Variants in BFAR observed in about 807,000 individuals in gnomAD.
BFAR encodes RING finger protein 47.
Under a neutral mutation model 54.4 loss-of-function variants are expected in BFAR, and 52 were observed. The observed-to-expected ratio is 0.96, with a 90% CI of 0.77 to 1.21. The LOEUF (loss-of-function observed/expected upper bound fraction) is 1.21, where lower values mean the gene tolerates loss of function less well. Among genes scored for constraint, BFAR ranks in the 50% most tolerant of loss-of-function variants. The pLI is 0.00. For missense variants in BFAR, 571 were observed against 534.0 expected, an observed-to-expected ratio of 1.07 and a Z score of -0.68; for synonymous variants, 215 against 204.3, an observed-to-expected ratio of 1.05 and a Z score of -0.45.
rs200669024 is a variant in BFAR at position 14,652,721 on chromosome 16, GT to G, written c.639-2337del. 9.6e-3 allele frequency among the ~76,000 whole-genome samples: 1,464 copies of G among 151,854 alleles called. 40 individuals carry two copies. Among genetic ancestry groups the G allele is most frequent in the East Asian group, 0.089 (458 of 5,168 alleles). On this transcript the variant is annotated intron_variant, in intron 4 of 7. Coordinates refer to ENST00000261658, the MANE Select transcript of BFAR (RefSeq NM_016561.3). ...TCAGTACTTACACAGATATAAATGTGTTTTTTTTAATTTAAACTGAAAATAT... is the reference window on the plus strand; with the variant it reads ...TCAGTACTTACACAGATATAAATGTGTTTTTTTAATTTAAACTGAAAATAT...
At chr16:14,637,026 C>T (rs1443956998) in intron 1 of BFAR, among the ~76,000 whole-genome samples, 1 of 152,150 alleles carries the variant, frequency 6.6e-6, no homozygotes, top group African/African-American at 2.4e-5. Context: ...TTTCTTAGTA[C>T]AGAACAAAAT....
At chr16:14,655,979 G>T (rs1313664820) in intron 5 of BFAR, among the ~76,000 whole-genome samples, 1 of 152,128 alleles carries the variant, frequency 6.6e-6, no homozygotes, top group Non-Finnish European at 1.5e-5. Flanking sequence ...GGAGGCCGAG[G>T]CGGGGGGATG....
At chr16:14,651,157 C>T (rs1289849340) in intron 4 of BFAR, among the ~76,000 whole-genome samples, 1 of 152,120 alleles carries the variant, frequency 6.6e-6, no homozygotes, top group African/African-American at 2.4e-5. Flanking sequence ...AGGGCTCTGT[C>T]CCCAAGACTG....
At chr16:14,665,177 C>G in intron 7 of BFAR, 106 bp downstream of exon 7, 1 of 1,144,736 alleles carries the variant, frequency 8.7e-7, no homozygotes, top group Non-Finnish European at 1.2e-6. Context: ...CTCCATCCAC[C>G]CAGACCCTTC....
intron 1 of BFAR, among the ~76,000 whole-genome samples, chr16:14,640,828 C>G (rs1476448784): frequency 1.3e-5 from 2 of 152,214 alleles, no homozygotes; most frequent in African/African-American, 4.8e-5. Context: ...CTAATAAACC[C>G]TATAGACTGC....
At chr16:14,665,473 T>C (rs1240833934) in intron 7 of BFAR, among the ~76,000 whole-genome samples, 1 of 152,062 alleles carries the variant, frequency 6.6e-6, no homozygotes, top group East Asian at 1.9e-4. Flanking sequence ...GCAAATTCAG[T>C]TTCTCAGAAA....
At chr16:14,638,628 A>C (rs1016951690) in intron 1 of BFAR, among the ~76,000 whole-genome samples, 1 of 152,242 alleles carries the variant, frequency 6.6e-6, no homozygotes, top group Admixed American at 6.5e-5. Flanking sequence ...TCATTACATC[A>C]CAAGATCTTT....
chr16:14,666,666 A>T (rs182732585), intron 7 of BFAR, among the ~76,000 whole-genome samples: 38 of 152,252 alleles, frequency 2.5e-4, no homozygotes, highest in African/African-American at 9.1e-4. Flanking sequence ...TGACATTCTG[A>T]CTCGCAGCCT....
intron 7 of BFAR, 144 bp from the exon 8 acceptor site, chr16:14,667,491 T>C: frequency 4.1e-6 from 3 of 737,922 alleles, no homozygotes; most frequent in Non-Finnish European, 6.7e-6. Context: ...TAGGCAGAGG[T>C]CTCAGGCACC....
intron 6 of BFAR, among the ~76,000 whole-genome samples, chr16:14,664,361 A>ACT (rs1305394912): frequency 3.4e-5 from 5 of 147,398 alleles, no homozygotes; most frequent in Non-Finnish European, 5.9e-5. Context: ...ACTGCATTCC[A>ACT]GCCTGGGTAA....
chr16:14,645,272 T>G (rs1381761759), intron 2 of BFAR, among the ~76,000 whole-genome samples: 1 of 151,818 alleles, frequency 6.6e-6, no homozygotes, highest in Non-Finnish European at 1.5e-5. Context: ...CTCACACCAC[T>G]ACACTCCAGC....
chr16:14,646,215 G>A (rs1341257786), intron 2 of BFAR, among the ~76,000 whole-genome samples: 11 of 152,044 alleles, frequency 7.2e-5, no homozygotes, highest in East Asian at 1.9e-4. Context: ...CACCACGCCC[G>A]GCTAATTTTG....
chr16:14,641,277 G>A (rs1032489384), intron 1 of BFAR, among the ~76,000 whole-genome samples: 7 of 152,156 alleles, frequency 4.6e-5, no homozygotes, highest in Non-Finnish European at 8.8e-5. Context: ...GAGCCTTCAA[G>A]ATGGAGAAAA....
At chr16:14,662,343 T>G (rs961949903) in intron 6 of BFAR, among the ~76,000 whole-genome samples, 1 of 152,066 alleles carries the variant, frequency 6.6e-6, no homozygotes, top group African/African-American at 2.4e-5. Flanking sequence ...ATCCTTTTTT[T>G]CCCCCAAAGA....
intron 1 of BFAR, among the ~76,000 whole-genome samples, chr16:14,636,708 C>A (rs577410924): frequency 6.6e-6 from 1 of 152,198 alleles, no homozygotes; most frequent in African/African-American, 2.4e-5. Flanking sequence ...GGCTGGGGGA[C>A]GGTCAGGTCT....
In BFAR at chr16:14,667,619, TCTC is replaced by T. The variant is rs766211602; in HGVS notation, c.1161-15_1161-13del. The T allele has an allele frequency of 6.8e-6, 11 of 1,610,032 alleles. No individual in the cohort carries two copies. The African/African-American group carries it at 1.5e-4, about 22-fold the overall frequency. On this transcript the variant is annotated splice_polypyrimidine_tract_variant and intron_variant, in intron 7 of 7. Coordinates refer to ENST00000261658, the MANE Select transcript of BFAR (RefSeq NM_016561.3). ...GAGAAGCGCCTCCGATTCAGCCTCT[TCTC>T]TTCTTGTTTCAGGACCGTGCCTCAG...
At chr16:14,647,207 C>T (rs1567487860) in intron 2 of BFAR, among the ~76,000 whole-genome samples, 1 of 152,082 alleles carries the variant, frequency 6.6e-6, no homozygotes, top group Non-Finnish European at 1.5e-5. Flanking sequence ...GCCTCAGCCT[C>T]CCAAGTAGCT....
intron 7 of BFAR, among the ~76,000 whole-genome samples, chr16:14,666,588 C>T (rs1297398902): frequency 6.6e-6 from 1 of 151,908 alleles, no homozygotes; most frequent in Non-Finnish European, 1.5e-5. Context: ...CCCCCAAAAA[C>T]TTAGAAGCTA....
intron 4 of BFAR, 184 bp downstream of exon 4, chr16:14,650,157 A>C: frequency 2.0e-6 from 1 of 504,760 alleles, no homozygotes; most frequent in East Asian, 3.5e-5. Flanking sequence ...CCCCATCTCT[A>C]CTAAAAATAC....
Sources: allele counts gnomAD v4.1 joint callset (sites outside exome capture counted in the v4.1 genomes callset), GRCh38; gene constraint gnomAD v4.1.1; transcripts MANE v1.5; gene names NCBI Gene and HGNC (gene_info 2026-07-23, HGNC 2026-07-21).